KLF8: variants seen among roughly 807,000 people sequenced by gnomAD.
KLF8 encodes Krueppel-like factor 8.
Under a neutral mutation model 18.2 loss-of-function variants are expected in KLF8, and 10 were observed. The ratio of observed to expected loss-of-function variants is 0.55; its 90% CI spans 0.34 to 0.93. KLF8 has a LOEUF of 0.93. Ranked by LOEUF, KLF8 falls within the 40% of genes least tolerant of loss-of-function variation. The pLI is 0.02. For synonymous variants in KLF8, 109 were observed against 97.3 expected, an observed-to-expected ratio of 1.12 and a Z score of -0.71; for missense variants, 264 against 277.9, an observed-to-expected ratio of 0.95 and a Z score of 0.36.
At chrX:56,214,066 G>A in the KLF8 span, among the ~76,000 whole-genome samples, 13 of 111,072 alleles carry the variant, frequency 1.2e-4, no homozygotes, top group African/African-American at 3.9e-4. Context: ...CCATAAAGCC[G>A]TCCCTCTGAA....
At chrX:56,271,589 T>A (rs924636860) in intron 5 of KLF8, among the ~76,000 whole-genome samples, 2 of 111,940 alleles carry the variant, frequency 1.8e-5, no homozygotes, top group Admixed American at 1.9e-4. Flanking sequence ...GAGCCCTAGT[T>A]GTTTTGCCTA....
chrX:56,035,273 C>T, the KLF8 span, among the ~76,000 whole-genome samples: 2 of 111,808 alleles, frequency 1.8e-5, no homozygotes, highest in African/African-American at 6.5e-5. Flanking sequence ...CCAGTTCCAT[C>T]CACGTTGCTG....
At chrX:55,951,401 G>A in the KLF8 span, among the ~76,000 whole-genome samples, 3 of 107,114 alleles carry the variant, frequency 2.8e-5, no homozygotes, top group African/African-American at 1.0e-4. Context: ...GCTTCAACCC[G>A]GGAGGTGGAG....
the KLF8 span, among the ~76,000 whole-genome samples, chrX:56,141,373 G>T: frequency 3.6e-5 from 4 of 111,433 alleles, no homozygotes; most frequent in Admixed American, 1.9e-4. Flanking sequence ...GTAGAGAGTG[G>T]ATTATATTGT....
chrX:55,932,457 A>C, the KLF8 span, among the ~76,000 whole-genome samples: 1 of 111,366 alleles, frequency 9.0e-6, no homozygotes, highest in Non-Finnish European at 1.9e-5. Context: ...CATTTTCTTC[A>C]TAGTATCGAT....
the KLF8 span, among the ~76,000 whole-genome samples, chrX:56,052,948 G>A: frequency 8.9e-6 from 1 of 112,013 alleles, no homozygotes; most frequent in Non-Finnish European, 1.9e-5. Context: ...CTCCGAGCCA[G>A]GTGTGGGATA....
At chrX:56,057,200 G>C in the KLF8 span, among the ~76,000 whole-genome samples, 1 of 111,915 alleles carries the variant, frequency 8.9e-6, no homozygotes, top group African/African-American at 3.3e-5. Flanking sequence ...TTGTGCCACA[G>C]ATATGGGTGG....
the KLF8 span, among the ~76,000 whole-genome samples, chrX:56,109,508 AG>A: frequency 9.1e-6 from 1 of 110,394 alleles, no homozygotes; most frequent in African/African-American, 3.3e-5. Context: ...TACTAGGTTT[AG>A]TTTATAGTGT....
the KLF8 span, among the ~76,000 whole-genome samples, chrX:56,119,798 A>G: frequency 9.2e-6 from 1 of 108,136 alleles, no homozygotes; most frequent in South Asian, 4.1e-4. Context: ...TCTCAGTTAC[A>G]GAAGGGGCTG....
the KLF8 span, among the ~76,000 whole-genome samples, chrX:56,158,863 T>C: frequency 8.1e-5 from 9 of 111,661 alleles, 1 homozygote; most frequent in South Asian, 3.4e-3. Flanking sequence ...CTTTTCCTAA[T>C]TGAATACCAT....
the KLF8 span, among the ~76,000 whole-genome samples, chrX:56,195,112 A>G: frequency 8.9e-6 from 1 of 112,505 alleles, no homozygotes; most frequent in Non-Finnish European, 1.9e-5. Flanking sequence ...AGATAAAACC[A>G]CAAAGAGGAG....
the KLF8 span, among the ~76,000 whole-genome samples, chrX:56,113,740 G>A: frequency 9.0e-6 from 1 of 110,639 alleles, no homozygotes; most frequent in Non-Finnish European, 1.9e-5. Flanking sequence ...TGTTGTTTTT[G>A]GGTAGAGTGT....
the KLF8 span, among the ~76,000 whole-genome samples, chrX:56,186,318 A>C: frequency 8.9e-6 from 1 of 111,954 alleles, no homozygotes; most frequent in Non-Finnish European, 1.9e-5. Flanking sequence ...TTCAACAAGA[A>C]CAGCTAACTA....
chrX:56,013,103 G>C, the KLF8 span, among the ~76,000 whole-genome samples: 2 of 112,415 alleles, frequency 1.8e-5, no homozygotes, highest in Non-Finnish European at 3.8e-5. Flanking sequence ...CAAGCAATGG[G>C]GAAAGGATTC....
chrX:55,946,588 T>C, the KLF8 span, among the ~76,000 whole-genome samples: 1 of 111,850 alleles, frequency 8.9e-6, no homozygotes, highest in Non-Finnish European at 1.9e-5. Flanking sequence ...AAGGACTTCA[T>C]GTTTGAAACA....
the KLF8 span, among the ~76,000 whole-genome samples, chrX:56,209,750 A>C: frequency 9.3e-6 from 1 of 108,010 alleles, no homozygotes; most frequent in Non-Finnish European, 1.9e-5. Context: ...AGTGAATGTG[A>C]TTTTCTCTGG....
intron 1 of KLF8, among the ~76,000 whole-genome samples, chrX:56,234,505 T>C (rs751897141): frequency 9.6e-4 from 108 of 112,494 alleles, no homozygotes; most frequent in Admixed American, 2.7e-3. Flanking sequence ...AATTAGTGTT[T>C]TTCTGTCCTT....
chrX:56,242,964 A>G, intron 1 of KLF8: 1 of 469,718 alleles, frequency 2.1e-6, no homozygotes, highest in East Asian at 4.5e-5. Context: ...TGTTGGCAAC[A>G]TCCAAAGCAT....
At chrX:55,954,030 GA>G in the KLF8 span, among the ~76,000 whole-genome samples, 1 of 109,259 alleles carries the variant, frequency 9.2e-6, no homozygotes, top group Non-Finnish European at 1.9e-5. Flanking sequence ...CATAGAATAG[GA>G]AAACGTATTT....
Sources: gnomAD v4.1 joint callset for allele counts (sites outside exome capture counted in the v4.1 genomes callset) on GRCh38, gnomAD v4.1.1 for gene constraint, MANE v1.5 for transcripts, NCBI Gene and HGNC (gene_info 2026-07-23, HGNC 2026-07-21) for gene names.